The following NUP98 variants were observed in gnomAD, a reference collection of about 807,000 sequenced individuals.
NUP98 encodes nuclear pore complex protein Nup98-Nup96.
NUP98 carries 26 observed loss-of-function variants against 191.9 expected under a neutral mutation model. The ratio of observed to expected loss-of-function variants is 0.14; its 90% CI spans 0.10 to 0.19. NUP98 has a LOEUF of 0.19. NUP98 is among the 10% of genes least tolerant of loss of function. The pLI is 1.00. For missense variants in NUP98, 1,941 were observed against 2,178.8 expected (o/e 0.89, Z 2.17); for synonymous variants, 808 against 778.4 (o/e 1.04, Z -0.63).
chr11:3,707,738 CAAAAA>C (rs560101220), intron 20 of NUP98, among the ~76,000 whole-genome samples: 2 of 48,568 alleles, frequency 4.1e-5, no homozygotes, highest in Non-Finnish European at 6.6e-5. Flanking sequence ...GACTCTGTCT[CAAAAA>C]AAAAAAAAAA....
intron 12 of NUP98, among the ~76,000 whole-genome samples, chr11:3,741,712 G>T (rs2080292515): frequency 6.6e-6 from 1 of 152,160 alleles, no homozygotes; most frequent in South Asian, 2.1e-4. Context: ...TGTTAAGATA[G>T]AAAGGATCTA....
At chr11:3,780,525 G>C (rs1161546101) in intron 2 of NUP98, among the ~76,000 whole-genome samples, 1 of 117,586 alleles carries the variant, frequency 8.5e-6, no homozygotes, top group East Asian at 2.6e-4. Flanking sequence ...CTGGGTGACA[G>C]AGCGAGACTC....
intron 10 of NUP98, among the ~76,000 whole-genome samples, chr11:3,757,403 C>T (rs995032420): frequency 1.3e-5 from 2 of 151,762 alleles, no homozygotes; most frequent in South Asian, 2.1e-4. Context: ...GGGAGGATCA[C>T]TTGAGCCCAG....
At chr11:3,760,418 G>A (rs758994994) in intron 10 of NUP98, 121 bp downstream of exon 10, 9 of 1,392,524 alleles carry the variant, frequency 6.5e-6, no homozygotes, top group Middle Eastern at 1.9e-4. Context: ...CCAATCATAC[G>A]AATCAGGAGA....
chr11:3,716,758 C>T (rs2079198623), intron 18 of NUP98, among the ~76,000 whole-genome samples: 3 of 152,106 alleles, frequency 2.0e-5, no homozygotes, highest in African/African-American at 7.2e-5. Flanking sequence ...CTCTCTATTA[C>T]ATTCCATTGG....
At chr11:3,744,285 T>C (rs562419776) in intron 12 of NUP98, among the ~76,000 whole-genome samples, 2 of 152,192 alleles carry the variant, frequency 1.3e-5, no homozygotes, top group South Asian at 4.1e-4. Context: ...TCAGATGAAT[T>C]AAAAATAGTA....
At chr11:3,696,158 T>A (rs1207421994) in intron 25 of NUP98, among the ~76,000 whole-genome samples, 2 of 151,966 alleles carry the variant, frequency 1.3e-5, no homozygotes, top group African/African-American at 4.8e-5. Flanking sequence ...ACCATTGCAC[T>A]CCAGCCTGGG....
At position 3,699,178 on chromosome 11, in the gene NUP98, C is replaced by T. The variant is rs145380152; in HGVS notation, c.3913G>A (p.Val1305Ile). The T allele has an allele frequency of 6.8e-6, 11 of 1,614,128 alleles. No homozygotes were observed. In the African/African-American group the frequency reaches 1.5e-4, roughly 22 times the overall value. Residue 1305 changes from valine to isoleucine, a missense_variant, in exon 25 of 33, where the codon GTC becomes ATC. This residue lies in a region of NUP98 where 1,030 missense variants were observed against 1,115.8 expected (regional missense o/e 0.92). Coordinates refer to ENST00000324932, the MANE Select transcript of NUP98 (RefSeq NM_016320.5). ...GGGCTGTTTTTTTGGGTTAAGGAGACTTCCTCTTCAATCTGAGGTGTGGCA... is the reference window on the plus strand; with the variant it reads ...GGGCTGTTTTTTTGGGTTAAGGAGATTTCCTCTTCAATCTGAGGTGTGGCA... Reference protein sequence around the residue: ...CTATPQIEEEVSLTQKNSPVE... With the variant: ...CTATPQIEEEISLTQKNSPVE...
chr11:3,676,208 C>T lies in NUP98; in HGVS notation c.5354G>A (p.Arg1785His), dbSNP rs61751334. The T allele has an allele frequency of 7.7e-4, 1,235 of 1,614,132 alleles. 13 individuals are homozygous for T. Among genetic ancestry groups the T allele is most frequent in the South Asian group, 4.9e-3 (443 of 91,082 alleles). Residue 1785 changes from arginine to histidine, a missense_variant, in exon 33 of 33, where the codon CGC becomes CAC. Physicochemically the swap from Arg to His is conservative, Grantham distance 29 (BLOSUM62 0). Coordinates refer to ENST00000324932, the MANE Select transcript of NUP98 (RefSeq NM_016320.5). ...TCGCAGATAGGACTGGGTAAGGCTG[C>T]GCAGTTCGTCCATGGCATAGTCCTC... ...MPEDYAMDEL[R>H]SLTQSYLREL...
chr11:3,770,913 A>G (rs749529506), intron 7 of NUP98, among the ~76,000 whole-genome samples: 1 of 152,036 alleles, frequency 6.6e-6, no homozygotes, highest in African/African-American at 2.4e-5. Flanking sequence ...CCCAGGCTGG[A>G]GTGCAATGGT....
At chr11:3,698,725 CAAAAAA>C (rs549214359) in intron 25 of NUP98, among the ~76,000 whole-genome samples, 11 of 35,750 alleles carry the variant, frequency 3.1e-4, no homozygotes, top group East Asian at 1.3e-3. Flanking sequence ...GAAACTGTCT[CAAAAAA>C]AAAAAAAAAA....
At chr11:3,786,302 C>T (rs543301139) in intron 1 of NUP98, among the ~76,000 whole-genome samples, 109 of 152,322 alleles carry the variant, frequency 7.2e-4, no homozygotes, top group Admixed American at 4.4e-3. Flanking sequence ...CAGGGAAAGA[C>T]ACTTCTCTGG....
chr11:3,779,320 T>C, intron 2 of NUP98, 63 bp from the exon 3 acceptor site: 1 of 1,247,384 alleles, frequency 8.0e-7, no homozygotes, highest in Non-Finnish European at 1.2e-6. Context: ...GATGACCAAA[T>C]GAAAAGGCAT....
rs1333881609 is a variant in NUP98, at chr11:3,797,540, A to C, written c.-169T>G. Reference sequence around the variant, plus strand: ...GACCGCCGCTTCGGGCGCAGCGCGCAGAGGGCCCGACTGCGTCACACGCCG... The same window carrying C: ...GACCGCCGCTTCGGGCGCAGCGCGCCGAGGGCCCGACTGCGTCACACGCCG... On this transcript the variant is annotated 5_prime_UTR_variant, in exon 1 of 33. Coordinates refer to ENST00000324932, the MANE Select transcript of NUP98 (RefSeq NM_016320.5). The C allele has an allele frequency of 4.4e-6, 2 of 451,736 alleles. No homozygotes were observed. Among genetic ancestry groups the C allele is most frequent in the South Asian group, 4.5e-5 (1 of 22,140 alleles). The allele number at this position is 451,736 out of a possible 1,614,324, so 28.0% of individuals were successfully genotyped here. A position where few individuals can be genotyped will look rare whatever the true frequency, so the allele number is the denominator to read the frequency against.
chr11:3,714,170 T>G lies in NUP98; in HGVS notation c.2400-175A>C, dbSNP rs112663870. 4.4e-3 allele frequency among the ~76,000 whole-genome samples: 669 copies of G among 152,296 alleles called. 5 individuals are homozygous for G. The highest frequency in any genetic ancestry group is 0.016 in the African/African-American group (646 of 41,550). ...CATAAGCTTAAGAGCAAGGAGTCAC[T>G]CCTACATTGACAACTCAATATCTGG... On this transcript the variant is annotated intron_variant, in intron 18 of 32. Transcript: ENST00000324932.
At chr11:3,739,140 T>C (rs1386043671) in intron 12 of NUP98, among the ~76,000 whole-genome samples, 1 of 152,122 alleles carries the variant, frequency 6.6e-6, no homozygotes, top group Non-Finnish European at 1.5e-5. Context: ...GAAAAAGAGA[T>C]GGATTATTAA....
intron 18 of NUP98, among the ~76,000 whole-genome samples, chr11:3,714,330 T>A (rs149391364): frequency 9.2e-5 from 14 of 152,274 alleles, no homozygotes; most frequent in African/African-American, 3.1e-4. Flanking sequence ...CTTATGCAGG[T>A]CTTAAAGGGC....
At chr11:3,711,108 G>T (rs2079012980) in intron 20 of NUP98, among the ~76,000 whole-genome samples, 1 of 151,980 alleles carries the variant, frequency 6.6e-6, no homozygotes, top group Admixed American at 6.6e-5. Context: ...TTAGATGAGT[G>T]TGGTGGTATG....
chr11:3,712,336 T>C (rs2079044360), intron 20 of NUP98: 1 of 1,332,884 alleles, frequency 7.5e-7, no homozygotes, highest in Non-Finnish European at 9.6e-7. Context: ...AATGACAATC[T>C]GTAGAGGAAT....
Sources: gnomAD v4.1 joint callset for allele counts (sites outside exome capture counted in the v4.1 genomes callset) on GRCh38, gnomAD v4.1.1 for gene constraint, gnomAD v4.1.1 regional missense constraint, MANE v1.5 for transcripts, NCBI Gene and HGNC (gene_info 2026-07-23, HGNC 2026-07-21) for gene names.